Variants in PPEF1 observed in about 807,000 individuals in gnomAD.
PPEF1 encodes the protein protein phosphatase with EF-hand domain 1.
PPEF1 carries 12 observed loss-of-function variants against 53.3 expected under a neutral mutation model. That is an observed-to-expected ratio of 0.23 (90% CI 0.14 to 0.36). PPEF1 has a LOEUF of 0.36. Ranked by LOEUF, PPEF1 falls within the 10% of genes least tolerant of loss-of-function variation. PPEF1 has a pLI of 1.00. For missense variants in PPEF1, 334 were observed against 490.4 expected, an observed-to-expected ratio of 0.68 and a Z score of 3.01; for synonymous variants, 165 against 176.7, an observed-to-expected ratio of 0.93 and a Z score of 0.52.
intron 1 of PPEF1, among the ~76,000 whole-genome samples, chrX:18,708,158 C>T (rs1280285506): frequency 8.9e-6 from 1 of 112,407 alleles, no homozygotes; most frequent in African/African-American, 3.2e-5. Flanking sequence ...TTATAAATAG[C>T]TATATCCCTA....
intron 12 of PPEF1, among the ~76,000 whole-genome samples, chrX:18,809,431 C>T (rs774506131): frequency 2.7e-5 from 3 of 110,508 alleles, no homozygotes; most frequent in Admixed American, 9.8e-5. Context: ...TTTGGCCAAG[C>T]GCAGTGGCTC....
chrX:18,714,643 AT>A (rs982672084), intron 1 of PPEF1, among the ~76,000 whole-genome samples: 9 of 112,028 alleles, frequency 8.0e-5, no homozygotes, highest in African/African-American at 2.9e-4. Flanking sequence ...ATGACAAAGT[AT>A]TTTTTGCTGT....
intron 12 of PPEF1, among the ~76,000 whole-genome samples, chrX:18,815,553 C>T (rs1208563516): frequency 8.9e-6 from 1 of 111,773 alleles, no homozygotes; most frequent in African/African-American, 3.2e-5. Context: ...CAGTTTTGAT[C>T]GTTTGTGTCA....
chrX:18,745,177 T>C (rs2045303621), intron 3 of PPEF1, among the ~76,000 whole-genome samples: 1 of 95,178 alleles, frequency 1.1e-5, no homozygotes, highest in East Asian at 3.0e-4. Context: ...ATATATTATA[T>C]TATATTCCAT....
chrX:18,772,265 C>T (rs768226913), intron 6 of PPEF1, among the ~76,000 whole-genome samples: 2 of 110,768 alleles, frequency 1.8e-5, no homozygotes, highest in Non-Finnish European at 3.8e-5. Context: ...GAGGAAGAGG[C>T]GGGATTGGTC....
chrX:18,813,442 TGTTA>T lies in PPEF1; in HGVS notation c.1395-4593_1395-4590del, dbSNP rs773475792. 1.6e-4 allele frequency among the ~76,000 whole-genome samples: 18 copies of T among 110,947 alleles called. No homozygotes were observed. The East Asian group carries it at 2.8e-3, about 17-fold the overall frequency. On this transcript the variant is annotated intron_variant, in intron 12 of 15. Transcript: ENST00000470157. ...TGATCTTGTACAATCTTGATTAACT[TGTTA>T]GTTTTAATCTTTTTCTAGTAGAGTC...
intron 3 of PPEF1, among the ~76,000 whole-genome samples, chrX:18,735,065 C>T (rs985140852): frequency 9.0e-6 from 1 of 111,430 alleles, no homozygotes; most frequent in Non-Finnish European, 1.9e-5. Context: ...AAATTTTCTC[C>T]CATTCTGTAG....
intron 4 of PPEF1, among the ~76,000 whole-genome samples, chrX:18,695,782 G>T (rs1929682025): frequency 8.9e-6 from 1 of 112,295 alleles, no homozygotes. Context: ...CACAACCAAG[G>T]AAAGCTCAAC....
intron 10 of PPEF1, among the ~76,000 whole-genome samples, chrX:18,793,444 T>G (rs936017918): frequency 3.6e-5 from 4 of 111,835 alleles, no homozygotes; most frequent in African/African-American, 1.3e-4. Flanking sequence ...CCTTTAAAAC[T>G]TTTTTTCTTT....
chrX:18,746,625 T>C (rs2045335909), intron 3 of PPEF1, among the ~76,000 whole-genome samples: 1 of 111,947 alleles, frequency 8.9e-6, no homozygotes, highest in Non-Finnish European at 1.9e-5. Context: ...AGTTAGCCGA[T>C]GGGAAAGGGA....
intron 3 of PPEF1, among the ~76,000 whole-genome samples, chrX:18,741,800 G>A (rs959627850): frequency 4.0e-5 from 2 of 50,371 alleles, no homozygotes; most frequent in African/African-American, 1.7e-4. Flanking sequence ...TTTTTTTAAC[G>A]TTTTGTTTTG....
intron 12 of PPEF1, among the ~76,000 whole-genome samples, chrX:18,809,097 A>ATCTGTCTG (rs1555978289): frequency 1.9e-3 from 181 of 93,716 alleles, no homozygotes; most frequent in African/African-American, 9.3e-3. Context: ...CATTATATCT[A>ATCTGTCTG]TCTATCTATC....
upstream of PPEF1, among the ~76,000 whole-genome samples, chrX:18,706,989 T>C (rs2044215540): frequency 9.3e-6 from 1 of 107,628 alleles, no homozygotes; most frequent in African/African-American, 3.4e-5. Context: ...CCACCATGCT[T>C]GGCTAATTTT....
chrX:18,691,786 T>C (rs1238989814), intron 4 of PPEF1, among the ~76,000 whole-genome samples: 1 of 112,076 alleles, frequency 8.9e-6, no homozygotes, highest in Non-Finnish European at 1.9e-5. Flanking sequence ...CTATTTGGAA[T>C]TCATGCAAAA....
chrX:18,782,490 T>G, intron 8 of PPEF1, 88 bp downstream of exon 8: 1 of 778,973 alleles, frequency 1.3e-6, no homozygotes, highest in Non-Finnish European at 1.8e-6. Context: ...ACCAGATTGA[T>G]GCTTTAGGAA....
intron 3 of PPEF1, among the ~76,000 whole-genome samples, chrX:18,747,998 G>A (rs749254863): frequency 7.1e-5 from 8 of 111,951 alleles, no homozygotes; most frequent in Non-Finnish European, 1.5e-4. Flanking sequence ...ATTGAAAAGG[G>A]TGGCATGGGC....
At chrX:18,739,088 G>A (rs990212487) in intron 3 of PPEF1, among the ~76,000 whole-genome samples, 5 of 112,164 alleles carry the variant, frequency 4.5e-5, no homozygotes, top group Admixed American at 1.9e-4. Context: ...CCTTTAGCTC[G>A]GAGAAGTTTG....
intron 10 of PPEF1, among the ~76,000 whole-genome samples, chrX:18,793,517 C>A (rs765889851): frequency 9.0e-6 from 1 of 111,110 alleles, no homozygotes; most frequent in Non-Finnish European, 1.9e-5. Flanking sequence ...TGGTTTATCC[C>A]GGAGAATGCT....
chrX:18,816,791 C>T (rs752321113), intron 12 of PPEF1, among the ~76,000 whole-genome samples: 6 of 111,328 alleles, frequency 5.4e-5, no homozygotes, highest in Non-Finnish European at 1.1e-4. Flanking sequence ...CCCTCTTTGT[C>T]TCTGGTAACA....
Sources: allele counts gnomAD v4.1 joint callset (sites outside exome capture counted in the v4.1 genomes callset), GRCh38; gene constraint gnomAD v4.1.1; transcripts MANE v1.5; gene names NCBI Gene and HGNC (gene_info 2026-07-23, HGNC 2026-07-21).